The following USP49 variants were observed in gnomAD, a reference collection of about 807,000 sequenced individuals.
The protein encoded by USP49 is ubiquitin specific peptidase 49.
USP49 carries 24 observed loss-of-function variants against 58.6 expected under a neutral mutation model. The ratio of observed to expected loss-of-function variants is 0.41; its 90% CI spans 0.30 to 0.58. The LOEUF (loss-of-function observed/expected upper bound fraction) is 0.58. Ranked by LOEUF, USP49 falls within the 20% of genes least tolerant of loss-of-function variation. The pLI, the probability that USP49 is intolerant of heterozygous loss-of-function variation, is 0.30. For synonymous variants in USP49, 408 were observed against 365.1 expected (o/e 1.12, Z -1.34); for missense variants, 703 against 866.1 (o/e 0.81, Z 2.36).
chr6:41,867,247 T>C (rs1363495613), intron 3 of USP49, among the ~76,000 whole-genome samples: 1 of 152,206 alleles, frequency 6.6e-6, no homozygotes, highest in Non-Finnish European at 1.5e-5. Flanking sequence ...TTACACGACC[T>C]GTAAGTCACC....
At chr6:41,827,398 G>A (rs1435092112) in intron 3 of USP49, among the ~76,000 whole-genome samples, 2 of 152,098 alleles carry the variant, frequency 1.3e-5, no homozygotes, top group East Asian at 3.9e-4. Flanking sequence ...AGTGGCTCAC[G>A]CCTGTAATCC....
At chr6:41,867,771 A>G (rs1234213094) in intron 3 of USP49, among the ~76,000 whole-genome samples, 5 of 151,624 alleles carry the variant, frequency 3.3e-5, no homozygotes, top group Admixed American at 6.7e-5. Context: ...ACAAACAAAA[A>G]CCAAACAAAC....
At chr6:41,844,588 C>T (rs1208831149) in intron 3 of USP49, among the ~76,000 whole-genome samples, 2 of 152,168 alleles carry the variant, frequency 1.3e-5, no homozygotes, top group Admixed American at 1.3e-4. Flanking sequence ...GCTGGAATTA[C>T]AGGCGTGAGC....
chr6:41,882,205 T>C (rs936271433), intron 2 of USP49, among the ~76,000 whole-genome samples: 2 of 152,306 alleles, frequency 1.3e-5, no homozygotes, highest in Admixed American at 1.3e-4. Flanking sequence ...GATGTCACAA[T>C]GACAGGGCAA....
At position 41,806,539 on chromosome 6, in the gene USP49, G is replaced by A. The variant is rs761240031; in HGVS notation, c.445C>T (p.Arg149Cys). ...AGCCGCAGCGTCCTGGCCAGCAGGC[G>A]CTGACGCCGGTACCACAGAGCCGTG... ...MLTALWYRRQ[R>C]LLARTLRLWF... is the part of the protein sequence containing the mutation. Residue 149 changes from arginine to cysteine, a missense_variant, in exon 4 of 8, where the codon CGC (arginine) becomes TGC (cysteine). Arg to Cys is a radical substitution (Grantham distance 180, BLOSUM62 -3). This residue lies in a region of USP49 where 376 missense variants were observed against 373.5 expected (regional missense o/e 1.01). Coordinates refer to ENST00000682992, the MANE Select transcript of USP49 (RefSeq NM_001286554.2). The surrounding 1 kb of genome is among the most constrained non-coding windows in gnomAD (Gnocchi z 5.9). 1 of 1,600,408 alleles carries A rather than the reference G, an allele frequency of 6.2e-7. No homozygotes were observed.
chr6:41,848,204 T>C (rs1476266937), intron 3 of USP49, among the ~76,000 whole-genome samples: 1 of 151,554 alleles, frequency 6.6e-6, no homozygotes, highest in Non-Finnish European at 1.5e-5. Flanking sequence ...AAAGTATCTA[T>C]AGAATATATA....
intron 2 of USP49, among the ~76,000 whole-genome samples, chr6:41,877,291 GAAT>G: frequency 6.6e-6 from 1 of 152,276 alleles, no homozygotes. Context: ...CTACGATTCA[GAAT>G]AATCTAGGTG....
At chr6:41,841,019 AAAAAAAC>A (rs1030336124) in intron 3 of USP49, among the ~76,000 whole-genome samples, 3 of 151,666 alleles carry the variant, frequency 2.0e-5, no homozygotes, top group African/African-American at 7.3e-5. Context: ...TGTTTCAAAA[AAAAAAAC>A]AAAAAACAAA....
chr6:41,845,586 CAG>C (rs1352040553), intron 3 of USP49, among the ~76,000 whole-genome samples: 3 of 151,826 alleles, frequency 2.0e-5, no homozygotes, highest in African/African-American at 7.3e-5. Context: ...ACTTGGGAGG[CAG>C]AGTCAGGAGG....
At chr6:41,798,308 C>G (rs917503888) in intron 7 of USP49, 15 of 188,624 alleles carry the variant, frequency 8.0e-5, no homozygotes, top group Middle Eastern at 2.3e-3. Context: ...GAGTCTTGCT[C>G]TGTCACCCAG....
chr6:41,814,419 A>C (rs982770150), intron 3 of USP49, among the ~76,000 whole-genome samples: 1 of 152,308 alleles, frequency 6.6e-6, no homozygotes, highest in African/African-American at 2.4e-5. Flanking sequence ...AAACTTCTAG[A>C]TTTATCATAT....
At chr6:41,847,963 G>T (rs1009623851) in intron 3 of USP49, among the ~76,000 whole-genome samples, 1 of 152,078 alleles carries the variant, frequency 6.6e-6, no homozygotes, top group Non-Finnish European at 1.5e-5. Flanking sequence ...AATCTAGAGA[G>T]GATCATAAAG....
intron 2 of USP49, among the ~76,000 whole-genome samples, chr6:41,886,198 G>A (rs1458237915): frequency 6.6e-6 from 1 of 152,136 alleles, no homozygotes; most frequent in Non-Finnish European, 1.5e-5. Context: ...TGATATAGGT[G>A]GTTGTATTAG....
At chr6:41,848,548 A>G (rs1166058766) in intron 3 of USP49, among the ~76,000 whole-genome samples, 5 of 151,734 alleles carry the variant, frequency 3.3e-5, no homozygotes, top group Non-Finnish European at 1.5e-5. Context: ...AAATATATAT[A>G]TATTTTTTGG....
intron 3 of USP49, among the ~76,000 whole-genome samples, chr6:41,849,890 C>A (rs1235659267): frequency 2.6e-5 from 4 of 152,066 alleles, no homozygotes; most frequent in Non-Finnish European, 5.9e-5. Flanking sequence ...CAGGCATGAG[C>A]CACTGTGCCC....
intron 3 of USP49, among the ~76,000 whole-genome samples, chr6:41,859,093 G>A (rs751699989): frequency 6.6e-6 from 1 of 152,014 alleles, no homozygotes; most frequent in Non-Finnish European, 1.5e-5. Flanking sequence ...CCTTTTAATG[G>A]GTCTTCCTGC....
At chr6:41,816,117 C>G (rs1773345562) in intron 3 of USP49, among the ~76,000 whole-genome samples, 1 of 152,162 alleles carries the variant, frequency 6.6e-6, no homozygotes, top group Non-Finnish European at 1.5e-5. Context: ...TGCTTCCTTC[C>G]TCTTGCTACA....
rs535032597 is a variant in USP49 at position 41,860,327 on chromosome 6, A to G, written c.-29+11237T>C. Among the ~76,000 whole-genome samples the G allele has an allele frequency of 1.3e-3, 191 of 152,066 alleles. 1 individual carries two copies. The highest frequency in any genetic ancestry group is 4.5e-3 in the African/African-American group (185 of 41,462). On this transcript the variant is annotated intron_variant, in intron 3 of 7. Transcript: ENST00000682992. ...GGTGAGGCAGTTGAGAGACAGAGAG[A>G]AAAATAATCAACTAATTGCAACATT... is the stretch of plus-strand genomic sequence containing the variant.
chr6:41,823,159 C>T (rs149851467), intron 3 of USP49, among the ~76,000 whole-genome samples: 93 of 152,272 alleles, frequency 6.1e-4, no homozygotes, highest in African/African-American at 1.9e-3. Flanking sequence ...TACATATACA[C>T]ACTCATGCAA....
Sources: allele counts gnomAD v4.1 joint callset (sites outside exome capture counted in the v4.1 genomes callset), GRCh38; gene constraint gnomAD v4.1.1; regional missense constraint gnomAD v4.1.1; non-coding constraint Gnocchi (gnomAD v3.1); transcripts MANE v1.5; gene names NCBI Gene and HGNC (gene_info 2026-07-23, HGNC 2026-07-21).